FSTL4: variants seen among roughly 807,000 people sequenced by gnomAD.
FSTL4 encodes follistatin like 4.
Under a neutral mutation model 78.2 loss-of-function variants are expected in FSTL4, and 28 were observed. The observed-to-expected ratio is 0.36, with a 90% CI of 0.27 to 0.49. The LOEUF is 0.49. Among genes scored for constraint, FSTL4 ranks in the 20% least tolerant of loss-of-function variants. FSTL4 has a pLI of 0.98. For missense variants in FSTL4, 922 were observed against 1,084.9 expected (o/e 0.85, Z 2.11); for synonymous variants, 422 against 440.5 (o/e 0.96, Z 0.53).
the FSTL4 span, among the ~76,000 whole-genome samples, chr5:133,815,558 G>C: frequency 1.3e-5 from 2 of 152,202 alleles, no homozygotes; most frequent in African/African-American, 4.8e-5. Flanking sequence ...AGGGTAATTG[G>C]CTGGCTCATG....
chr5:133,761,580 C>T, the FSTL4 span, among the ~76,000 whole-genome samples: 6 of 152,182 alleles, frequency 3.9e-5, no homozygotes, highest in Non-Finnish European at 7.4e-5. Context: ...CATGCACAGC[C>T]TTAAATGTAG....
At chr5:133,592,057 C>T (rs1042828954) in intron 2 of FSTL4, among the ~76,000 whole-genome samples, 25 of 152,282 alleles carry the variant, frequency 1.6e-4, no homozygotes, top group African/African-American at 6.0e-4. Flanking sequence ...CCACCCTACA[C>T]CTAGACTCTG....
the FSTL4 span, among the ~76,000 whole-genome samples, chr5:133,696,087 T>G: frequency 6.6e-6 from 1 of 152,222 alleles, no homozygotes; most frequent in African/African-American, 2.4e-5. Context: ...TGGCTCTTAT[T>G]CCCACTGTGT....
At chr5:133,736,424 T>C in the FSTL4 span, among the ~76,000 whole-genome samples, 2 of 152,210 alleles carry the variant, frequency 1.3e-5, no homozygotes, top group Non-Finnish European at 2.9e-5. Context: ...GAATGGTACC[T>C]CTTGTCTTCC....
At chr5:133,358,663 G>A (rs1442272245) in intron 4 of FSTL4, among the ~76,000 whole-genome samples, 3 of 147,958 alleles carry the variant, frequency 2.0e-5, no homozygotes, top group East Asian at 2.0e-4. Context: ...GCAGTGGCGC[G>A]ATCTCAGTTC....
At chr5:133,322,949 G>A (rs1754110591) in intron 4 of FSTL4, among the ~76,000 whole-genome samples, 1 of 152,220 alleles carries the variant, frequency 6.6e-6, no homozygotes, top group Non-Finnish European at 1.5e-5. Flanking sequence ...GCAGGCAGGA[G>A]TTGAAGTGGA....
rs143505855 is a variant in FSTL4 at position 133,220,805 on chromosome 5, A to T, written c.1401T>A (p.Pro467=). 7.8e-5 allele frequency: 126 copies of T among 1,613,300 alleles called. No individual in the cohort carries two copies. The highest frequency in any genetic ancestry group is 1.1e-5 in the Non-Finnish European group (13 of 1,179,314). ...FSDDGIIVIH[P]VDCEIQRHLK... ...GGTGCCTCTGGATCTCACAGTCCAC[A>T]GGATGGATGACGATGATACCGTCGT... is the stretch of plus-strand genomic sequence containing the variant. The change falls in exon 12 of 16, where the codon CCT becomes CCA. Residue 467 remains proline, a synonymous_variant. Coordinates refer to ENST00000265342, the MANE Select transcript of FSTL4 (RefSeq NM_015082.2).
intron 4 of FSTL4, among the ~76,000 whole-genome samples, chr5:133,327,290 A>C (rs1754236731): frequency 6.6e-6 from 1 of 152,178 alleles, no homozygotes; most frequent in Non-Finnish European, 1.5e-5. Flanking sequence ...GTTAGAAACA[A>C]ATTTTCAGCT....
the FSTL4 span, among the ~76,000 whole-genome samples, chr5:133,701,468 A>AAC: frequency 0.19 from 24,096 of 128,886 alleles, 2,483 homozygotes; most frequent in East Asian, 0.32. Context: ...AAGACACAGA[A>AAC]ACACACACAC....
intron 13 of FSTL4, among the ~76,000 whole-genome samples, chr5:133,214,195 A>G (rs1223686032): frequency 6.6e-6 from 1 of 152,258 alleles, no homozygotes; most frequent in African/African-American, 2.4e-5. Context: ...ACACATATAT[A>G]GAATACAGTA....
At chr5:133,359,082 G>A (rs1314712875) in intron 4 of FSTL4, among the ~76,000 whole-genome samples, 3 of 152,152 alleles carry the variant, frequency 2.0e-5, no homozygotes, top group African/African-American at 4.8e-5. Context: ...GCCATTGGCC[G>A]CTCTTCTAGC....
chr5:133,475,467 G>A (rs1485690004), intron 3 of FSTL4, among the ~76,000 whole-genome samples: 1 of 152,162 alleles, frequency 6.6e-6, no homozygotes, highest in African/African-American at 2.4e-5. Context: ...CTGTCAGAAA[G>A]CTATTTTATC....
At chr5:133,425,828 C>T (rs550305641) in intron 3 of FSTL4, among the ~76,000 whole-genome samples, 10 of 152,322 alleles carry the variant, frequency 6.6e-5, no homozygotes, top group South Asian at 6.2e-4. Context: ...CAAGTGTAGC[C>T]GTGTGGTTTG....
chr5:133,581,880 G>A (rs1376779021), intron 2 of FSTL4, among the ~76,000 whole-genome samples: 1 of 152,232 alleles, frequency 6.6e-6, no homozygotes, highest in Non-Finnish European at 1.5e-5. Flanking sequence ...GCCCCAGTGG[G>A]CCTGGCCAGT....
At chr5:133,595,389 T>C (rs1760717593) in intron 2 of FSTL4, among the ~76,000 whole-genome samples, 1 of 152,202 alleles carries the variant, frequency 6.6e-6, no homozygotes, top group Admixed American at 6.5e-5. Flanking sequence ...CCAAACCCCA[T>C]ACGATGACAA....
intron 3 of FSTL4, among the ~76,000 whole-genome samples, chr5:133,552,463 G>A (rs796703724): frequency 6.6e-6 from 1 of 152,240 alleles, no homozygotes; most frequent in South Asian, 2.1e-4. Context: ...AGGTCATGTG[G>A]GCCCAGGGTT....
upstream of FSTL4, among the ~76,000 whole-genome samples, chr5:133,614,358 C>T (rs115197212): frequency 3.1e-4 from 47 of 152,288 alleles, no homozygotes; most frequent in African/African-American, 1.1e-3. Context: ...AACTTCTACA[C>T]GCTTCCCAAA....
chr5:133,796,021 C>G, the FSTL4 span, among the ~76,000 whole-genome samples: 71,385 of 152,146 alleles, frequency 0.47, 18,400 homozygotes, highest in Middle Eastern at 0.67. Context: ...CCCCTGGTCA[C>G]TAGTCCTTCT....
intron 3 of FSTL4, among the ~76,000 whole-genome samples, chr5:133,486,607 T>C (rs1336980112): frequency 6.6e-6 from 1 of 152,142 alleles, no homozygotes; most frequent in Admixed American, 6.5e-5. Context: ...GCTACTCTCA[T>C]CTCTTGTGCT....
Sources: gnomAD v4.1 joint callset for allele counts (sites outside exome capture counted in the v4.1 genomes callset) on GRCh38, gnomAD v4.1.1 for gene constraint, MANE v1.5 for transcripts, NCBI Gene and HGNC (gene_info 2026-07-23, HGNC 2026-07-21) for gene names.